The following TDRD3 variants were observed in gnomAD, a reference collection of about 807,000 sequenced individuals.
The protein encoded by TDRD3 is tudor domain containing 3, also known as tudor domain-containing protein 3.
A neutral mutation model predicts 86.7 loss-of-function variants in TDRD3; 45 were observed. That is an observed-to-expected ratio of 0.52 (90% CI 0.41 to 0.67). TDRD3 has a LOEUF of 0.67. Ranked by LOEUF, TDRD3 falls within the 30% of genes least tolerant of loss-of-function variation. The pLI, the probability that TDRD3 is intolerant of heterozygous loss-of-function variation, is 0.00. For synonymous variants in TDRD3, 298 were observed against 301.7 expected (o/e 0.99, Z 0.13); for missense variants, 814 against 889.0 (o/e 0.92, Z 1.07).
chr13:60,413,685 C>G (rs918149055), intron 1 of TDRD3, among the ~76,000 whole-genome samples: 1 of 152,150 alleles, frequency 6.6e-6, no homozygotes, highest in African/African-American at 2.4e-5. Context: ...ACATGAATTT[C>G]TGATCTTGTG....
rs980027106 is a variant in TDRD3, at chr13:60,526,201, C to T, written c.1142-2166C>T. ...TTCCCTAAACAGCAGATCTGAAAAG[C>T]TTACTCCCCAAATATTTATTCAATG... On this transcript the variant is annotated intron_variant, in intron 10 of 13. Coordinates refer to ENST00000377881, the MANE Select transcript of TDRD3 (RefSeq NM_001146070.2). Among the ~76,000 whole-genome samples the T allele has an allele frequency of 3.3e-5, 5 of 152,246 alleles. No homozygotes were observed. The East Asian group carries it at 9.7e-4, about 29-fold the overall frequency.
At chr13:60,562,322 C>A (rs1295076044) in intron 12 of TDRD3, among the ~76,000 whole-genome samples, 2 of 151,482 alleles carry the variant, frequency 1.3e-5, no homozygotes, top group Non-Finnish European at 2.9e-5. Flanking sequence ...CCCTTCCCCC[C>A]ACCCCCGGCA....
chr13:60,417,843 G>A (rs1954562932), intron 1 of TDRD3, among the ~76,000 whole-genome samples: 2 of 151,906 alleles, frequency 1.3e-5, no homozygotes, highest in Admixed American at 1.3e-4. Context: ...TTTTAGAGGT[G>A]GTACACTCAT....
At chr13:60,539,034 A>C (rs966176041) in intron 12 of TDRD3, among the ~76,000 whole-genome samples, 1 of 152,178 alleles carries the variant, frequency 6.6e-6, no homozygotes, top group African/African-American at 2.4e-5. Context: ...CAACTAGAAA[A>C]ATGATTATTG....
At chr13:60,446,217 A>T (rs929792637) in intron 3 of TDRD3, among the ~76,000 whole-genome samples, 1 of 152,014 alleles carries the variant, frequency 6.6e-6, no homozygotes, top group South Asian at 2.1e-4. Flanking sequence ...TAGAATTATT[A>T]TTCACAGAAT....
intron 4 of TDRD3, 132 bp from the exon 5 acceptor site, chr13:60,467,106 T>G: frequency 1.0e-6 from 1 of 954,102 alleles, no homozygotes; most frequent in Non-Finnish European, 1.6e-6. Flanking sequence ...CCAGCATGCA[T>G]TAGCTGTTTT....
At chr13:60,559,050 T>C (rs1958272476) in intron 12 of TDRD3, among the ~76,000 whole-genome samples, 3 of 151,778 alleles carry the variant, frequency 2.0e-5, no homozygotes, top group South Asian at 4.2e-4. Flanking sequence ...AATCTATCAG[T>C]CTATTTAGTT....
intron 6 of TDRD3, chr13:60,484,777 A>G (rs2137508391): frequency 2.3e-6 from 1 of 430,528 alleles, no homozygotes; most frequent in African/African-American, 2.0e-5. Flanking sequence ...CTCCCAGTGT[A>G]ATGAAAACCT....
At chr13:60,544,007 G>A (rs1281394293) in intron 12 of TDRD3, among the ~76,000 whole-genome samples, 1 of 148,184 alleles carries the variant, frequency 6.7e-6, no homozygotes, top group East Asian at 2.0e-4. Flanking sequence ...CCTACATGAA[G>A]TTTATATGTC....
intron 12 of TDRD3, among the ~76,000 whole-genome samples, chr13:60,543,392 G>T (rs1211420338): frequency 7.9e-5 from 12 of 152,038 alleles, no homozygotes; most frequent in Admixed American, 7.9e-4. Context: ...TACATTTTTT[G>T]ATTACAGGAC....
chr13:60,464,859 A>T (rs1178715805), intron 4 of TDRD3, among the ~76,000 whole-genome samples: 1 of 152,136 alleles, frequency 6.6e-6, no homozygotes. Context: ...TAGAAGGAAT[A>T]AGATTTAGTG....
chr13:60,456,788 C>G (rs1391249651), intron 3 of TDRD3, among the ~76,000 whole-genome samples: 1 of 152,082 alleles, frequency 6.6e-6, no homozygotes, highest in Non-Finnish European at 1.5e-5. Flanking sequence ...CTCCACCTCC[C>G]AGGCTCAAGA....
intron 11 of TDRD3, among the ~76,000 whole-genome samples, chr13:60,534,762 T>TA (rs1008290128): frequency 2.0e-5 from 3 of 150,576 alleles, no homozygotes; most frequent in Non-Finnish European, 4.4e-5. Flanking sequence ...CCCATCTCTA[T>TA]AAAAAATACC....
intron 1 of TDRD3, among the ~76,000 whole-genome samples, chr13:60,404,586 A>C (rs993735474): frequency 6.6e-6 from 1 of 151,230 alleles, no homozygotes; most frequent in Non-Finnish European, 1.5e-5. Flanking sequence ...CTGGGATTAC[A>C]GGCGTGAGCC....
chr13:60,420,759 G>A (rs1205233682), intron 1 of TDRD3, among the ~76,000 whole-genome samples: 1 of 151,984 alleles, frequency 6.6e-6, no homozygotes, highest in Non-Finnish European at 1.5e-5. Flanking sequence ...TGGCTAACAT[G>A]GTGAAACCCC....
intron 4 of TDRD3, among the ~76,000 whole-genome samples, chr13:60,464,933 AAG>A (rs752645043): frequency 7.9e-5 from 12 of 152,314 alleles, no homozygotes; most frequent in South Asian, 4.1e-4. Flanking sequence ...AAATAATTAA[AAG>A]AGTAGATTCA....
intron 12 of TDRD3, among the ~76,000 whole-genome samples, chr13:60,556,158 T>G (rs1489619325): frequency 1.3e-5 from 2 of 152,160 alleles, no homozygotes; most frequent in Non-Finnish European, 2.9e-5. Flanking sequence ...ACCTATTTCT[T>G]TTAACCTATT....
chr13:60,485,478 C>G (rs946800124), intron 6 of TDRD3, among the ~76,000 whole-genome samples: 1 of 151,998 alleles, frequency 6.6e-6, no homozygotes, highest in Admixed American at 6.5e-5. Flanking sequence ...GTGCATTAGT[C>G]AAGATTGTTT....
At chr13:60,517,865 G>A (rs1357597235) in intron 10 of TDRD3, among the ~76,000 whole-genome samples, 3 of 152,244 alleles carry the variant, frequency 2.0e-5, no homozygotes, top group East Asian at 3.9e-4. Context: ...TTTAGAAACC[G>A]CTTTAGCAAT....
Sources: gnomAD v4.1 joint callset for allele counts (sites outside exome capture counted in the v4.1 genomes callset) on GRCh38, gnomAD v4.1.1 for gene constraint, MANE v1.5 for transcripts, NCBI Gene and HGNC (gene_info 2026-07-23, HGNC 2026-07-21) for gene names.